CAMTA1: variants seen among roughly 807,000 people sequenced by gnomAD.
The protein encoded by CAMTA1 is calmodulin-binding transcription activator 1.
In CAMTA1, 27 loss-of-function variants were observed where a neutral mutation model predicts 170.9. That is an observed-to-expected ratio of 0.16 (90% CI 0.12 to 0.22). The LOEUF is 0.22. CAMTA1 is among the 10% of genes least tolerant of loss of function. The pLI is 1.00. For synonymous variants in CAMTA1, 833 were observed against 891.5 expected, an observed-to-expected ratio of 0.93 and a Z score of 1.17; for missense variants, 1,619 against 2,217.2, an observed-to-expected ratio of 0.73 and a Z score of 5.42.
intron 3 of CAMTA1, among the ~76,000 whole-genome samples, chr1:6,839,171 G>A (rs138116038): frequency 0.066 from 10,015 of 151,824 alleles, 375 homozygotes; most frequent in Middle Eastern, 0.099. Context: ...TCACAAGGTC[G>A]GGAGATCGAT....
intron 4 of CAMTA1, among the ~76,000 whole-genome samples, chr1:7,124,484 G>A (rs997176817): frequency 6.6e-6 from 1 of 152,194 alleles, no homozygotes; most frequent in Admixed American, 6.5e-5. Flanking sequence ...AATGTCATGC[G>A]CCATGTGGAT....
At chr1:7,273,377 A>G (rs1335734134) in intron 5 of CAMTA1, among the ~76,000 whole-genome samples, 1 of 152,244 alleles carries the variant, frequency 6.6e-6, no homozygotes, top group Admixed American at 6.5e-5. Flanking sequence ...ATACAATGAA[A>G]TATTACTTGG....
chr1:7,627,297 GCTCCTATCTC>G (rs1484988462), intron 6 of CAMTA1, among the ~76,000 whole-genome samples: 1 of 152,114 alleles, frequency 6.6e-6, no homozygotes, highest in Non-Finnish European at 1.5e-5. Flanking sequence ...ACCTAGATGG[GCTCCTATCTC>G]AAAGAATCAC....
chr1:7,319,495 C>G (rs994996404), intron 5 of CAMTA1, among the ~76,000 whole-genome samples: 3 of 152,154 alleles, frequency 2.0e-5, no homozygotes, highest in Non-Finnish European at 4.4e-5. Context: ...CTGAGGCCTC[C>G]CCAAAAGCTG....
At chr1:7,480,631 T>G (rs1358868675) in intron 6 of CAMTA1, among the ~76,000 whole-genome samples, 1 of 152,054 alleles carries the variant, frequency 6.6e-6, no homozygotes, top group Non-Finnish European at 1.5e-5. Flanking sequence ...ATTCCCTCCT[T>G]ATGAACGCTC....
At chr1:7,020,468 T>C (rs910642261) in intron 3 of CAMTA1, among the ~76,000 whole-genome samples, 4 of 152,200 alleles carry the variant, frequency 2.6e-5, no homozygotes, top group Non-Finnish European at 4.4e-5. Flanking sequence ...GCACTTTGTG[T>C]AAGTACACTA....
chr1:7,601,688 C>T (rs1263719403), intron 6 of CAMTA1, among the ~76,000 whole-genome samples: 2 of 152,246 alleles, frequency 1.3e-5, no homozygotes, highest in African/African-American at 2.4e-5. Context: ...TCTGCAATCC[C>T]GGCACCTCGG....
chr1:7,403,307 C>T (rs1407937003), intron 5 of CAMTA1, among the ~76,000 whole-genome samples: 1 of 152,074 alleles, frequency 6.6e-6, no homozygotes, highest in Non-Finnish European at 1.5e-5. Flanking sequence ...CAGGATCGTA[C>T]CACTGCACTC....
At chr1:7,242,920 C>A (rs908397304) in intron 4 of CAMTA1, among the ~76,000 whole-genome samples, 5 of 152,142 alleles carry the variant, frequency 3.3e-5, no homozygotes, top group Non-Finnish European at 7.4e-5. Context: ...CGAGATCGCA[C>A]CATTGCACTC....
intron 3 of CAMTA1, among the ~76,000 whole-genome samples, chr1:7,051,851 G>A (rs946796900): frequency 1.8e-4 from 28 of 152,124 alleles, no homozygotes; most frequent in Non-Finnish European, 2.4e-4. Flanking sequence ...TCCAGTTCCT[G>A]TAGGGCTCTG....
Position 7,664,341 on chromosome 1 carries a change from C to T in CAMTA1, c.1794C>T (p.Ser598=), listed in dbSNP as rs781165931. 3 of 1,613,502 alleles carry T rather than the reference C, an allele frequency of 1.9e-6. No individual in the cohort carries two copies. The African/African-American group carries it at 4.0e-5, about 22-fold the overall frequency. ...ACTCCAACAAGGACTACACGTCCAGCTTCAGCCAGACGGGCCACAGCCCCC... is the reference window on the plus strand; with the variant it reads ...ACTCCAACAAGGACTACACGTCCAGTTTCAGCCAGACGGGCCACAGCCCCC... ...AIDSNKDYTS[S]FSQTGHSPHI... Residue 598 remains serine, a synonymous_variant, in exon 9 of 23, where the codon AGC becomes AGT. Coordinates refer to ENST00000303635, the MANE Select transcript of CAMTA1 (RefSeq NM_015215.4).
intron 4 of CAMTA1, among the ~76,000 whole-genome samples, chr1:7,101,007 G>A (rs1159185705): frequency 6.6e-6 from 1 of 152,192 alleles, no homozygotes; most frequent in East Asian, 1.9e-4. Flanking sequence ...ACCCTTGCCA[G>A]CATCTCTAAG....
chr1:6,863,763 A>G (rs1169696459), intron 3 of CAMTA1, among the ~76,000 whole-genome samples: 1 of 152,212 alleles, frequency 6.6e-6, no homozygotes, highest in Non-Finnish European at 1.5e-5. Context: ...CCAGTGAACC[A>G]GTACCAACAC....
chr1:7,464,132 G>C (rs1220739606), intron 5 of CAMTA1, among the ~76,000 whole-genome samples: 1 of 152,160 alleles, frequency 6.6e-6, no homozygotes, highest in Non-Finnish European at 1.5e-5. Context: ...CATCTGAAAG[G>C]TGATGTCCTC....
chr1:6,810,322 G>C (rs574636856), intron 1 of CAMTA1, among the ~76,000 whole-genome samples: 1 of 152,332 alleles, frequency 6.6e-6, no homozygotes, highest in South Asian at 2.1e-4. Context: ...TTCGCCAGCT[G>C]TTGGCCCGAG....
chr1:7,418,457 C>T (rs2091344469), intron 5 of CAMTA1, among the ~76,000 whole-genome samples: 1 of 152,140 alleles, frequency 6.6e-6, no homozygotes, highest in African/African-American at 2.4e-5. Flanking sequence ...CCTTGGCCTC[C>T]CAAAGTGCTT....
chr1:7,492,682 AAC>A (rs2093729254), intron 6 of CAMTA1, among the ~76,000 whole-genome samples: 1 of 86,758 alleles, frequency 1.2e-5, no homozygotes, highest in Non-Finnish European at 2.2e-5. Context: ...CACACACACA[AAC>A]ACAAACCTAC....
At chr1:7,671,181 C>T (rs953348787) in intron 10 of CAMTA1, 144 bp downstream of exon 10, 31 of 893,018 alleles carry the variant, frequency 3.5e-5, no homozygotes, top group South Asian at 3.1e-4. Context: ...AGCGGATCCC[C>T]GATAGTCTAT....
intron 3 of CAMTA1, among the ~76,000 whole-genome samples, chr1:7,048,975 C>T (rs148459893): frequency 9.8e-5 from 15 of 152,316 alleles, no homozygotes; most frequent in African/African-American, 3.6e-4. Context: ...ACAGACAGGC[C>T]AAATCTCCCC....
Sources: gnomAD v4.1 joint callset for allele counts (sites outside exome capture counted in the v4.1 genomes callset) on GRCh38, gnomAD v4.1.1 for gene constraint, MANE v1.5 for transcripts, NCBI Gene and HGNC (gene_info 2026-07-23, HGNC 2026-07-21) for gene names.